The following BRMS1 variants were observed in gnomAD, a reference collection of about 807,000 sequenced individuals.
BRMS1 encodes the protein BRMS1 transcriptional repressor and anoikis regulator, also known as breast cancer metastasis-suppressor 1.
Under a neutral mutation model 40.4 loss-of-function variants are expected in BRMS1, and 26 were observed. The ratio of observed to expected loss-of-function variants is 0.64; its 90% CI spans 0.47 to 0.89. BRMS1 has a LOEUF of 0.89. Among genes scored for constraint, BRMS1 ranks in the 40% least tolerant of loss-of-function variants. BRMS1 has a pLI of 0.00. For missense variants in BRMS1, 289 were observed against 309.4 expected, an observed-to-expected ratio of 0.93 and a Z score of 0.49; for synonymous variants, 103 against 116.0, an observed-to-expected ratio of 0.89 and a Z score of 0.72.
Position 66,341,714 on chromosome 11 carries a change from T to C in BRMS1, c.140-91A>G, listed in dbSNP as rs1855082018. 1 of 1,055,160 alleles carries C rather than the reference T, an allele frequency of 9.5e-7. No homozygotes were observed. The allele number at this position is 1,055,160 out of a possible 1,614,324, so 65.4% of individuals were successfully genotyped here. A position where few individuals can be genotyped will look rare whatever the true frequency, so the allele number is the denominator to read the frequency against. ...TGCGTCCTGCATGTGTGTGTGTGCA[T>C]GCATGCCTGTGTGTAGGGCCTGTGT... On this transcript the variant is annotated intron_variant, in intron 2 of 9. Coordinates refer to ENST00000359957, the MANE Select transcript of BRMS1 (RefSeq NM_015399.4). The surrounding 1 kb of genome is among the most constrained non-coding windows in gnomAD (Gnocchi z 4.9).
rs749150566 is a variant in BRMS1 at position 66,338,777 on chromosome 11, T to C, written c.637A>G (p.Ile213Val). The change falls in exon 8 of 10, where the codon ATC becomes GTC. Residue 213 changes from isoleucine to valine, a missense_variant. Ile to Val is a conservative substitution (Grantham distance 29). Coordinates refer to ENST00000359957, the MANE Select transcript of BRMS1 (RefSeq NM_015399.4). The part of the protein sequence containing the change: ...KKAPLVSGPY[I>V]VYMLQEIDIL... The stretch of plus-strand genomic sequence containing the variant: ...TCGATCTCTTGAAGCATGTACACGA[T>C]GTATGGGCCTGTGGTGGGGGTCAAG... The C allele has an allele frequency of 7.1e-6, 11 of 1,550,854 alleles. No homozygotes were observed. The highest frequency in any genetic ancestry group is 5.7e-5 in the Admixed American group (3 of 52,370).
chr11:66,338,197 G>C, intron 9 of BRMS1, 46 bp downstream of exon 9: 1 of 1,602,224 alleles, frequency 6.2e-7, no homozygotes, highest in Non-Finnish European at 8.5e-7. Context: ...GAGGAAAGGT[G>C]ATGGCAAGGG....
In BRMS1 at chr11:66,337,493, A is replaced by C; in HGVS notation, c.*389T>G. 1.6e-6 allele frequency: 1 copy of C among 610,302 alleles called. No homozygotes were observed. The highest frequency in any genetic ancestry group is 2.9e-6 in the Non-Finnish European group (1 of 347,384). 37.8% of individuals were successfully genotyped at this position (610,302 alleles called of 1,614,324 possible). On this transcript the variant is annotated 3_prime_UTR_variant, in exon 10 of 10. Coordinates refer to ENST00000359957, the MANE Select transcript of BRMS1 (RefSeq NM_015399.4). ...CACGTCTGACTCAGAGTTCCCGCAC[A>C]GTGGAAACTGGCTCCCTGGCCCTGA...
Position 66,340,050 on chromosome 11 carries a change from C to T in BRMS1, c.628+71G>A, listed in dbSNP as rs577993152. 137 of 1,321,046 alleles carry T rather than the reference C, an allele frequency of 1.0e-4. No individual in the cohort carries two copies. In the African/African-American group the frequency reaches 1.8e-3, roughly 17 times the overall value. The allele number at this position is 1,321,046 out of a possible 1,614,324, so 81.8% of individuals were successfully genotyped here. The stretch of plus-strand genomic sequence containing the variant: ...TGACTGTCCTCCATGTCCCCTCCAA[C>T]CCCCTCCCCTGGGTCTGGAGTTGAC... On this transcript the variant is annotated intron_variant, in intron 7 of 9. Transcript: ENST00000359957.
rs1855033454 is a variant in BRMS1 at position 66,340,174 on chromosome 11, C to G, written c.575G>C (p.Arg192Thr). The stretch of plus-strand genomic sequence containing the variant: ...GCTGGGCGGCAGGGAGTCCCAAGAC[C>G]TGGAGCTGCCTCTGGCGTGCAGTTT... Reference protein sequence around the residue: ...DDKLHARGSSRSWDSLPPSKR... With the variant: ...DDKLHARGSSTSWDSLPPSKR... Residue 192 changes from arginine to threonine, a missense_variant, in exon 7 of 10, where the codon AGG becomes ACG. Coordinates refer to ENST00000359957, the MANE Select transcript of BRMS1 (RefSeq NM_015399.4). The G allele has an allele frequency of 6.2e-7, 1 of 1,613,596 alleles. No individual in the cohort carries two copies. The highest frequency in any genetic ancestry group is 1.3e-5 in the African/African-American group (1 of 74,786).
chr11:66,339,270 C>T (rs765628299), intron 7 of BRMS1, among the ~76,000 whole-genome samples: 16 of 152,222 alleles, frequency 1.1e-4, no homozygotes, highest in Non-Finnish European at 1.8e-4. Context: ...CTAAGACTGG[C>T]TGCTGCAGGA....
At position 66,341,636 on chromosome 11, in the gene BRMS1, G is replaced by A. The variant is rs747505179; in HGVS notation, c.140-13C>T. The A allele has an allele frequency of 1.2e-6, 2 of 1,612,086 alleles. No individual in the cohort carries two copies. Among genetic ancestry groups the A allele is most frequent in the Non-Finnish European group, 1.7e-6 (2 of 1,178,384 alleles). ...TCATCATCCATCTCTGGGACAAGAG[G>A]CCAGTAAGGGCTAGCTCTGGGGAGG... On this transcript the variant is annotated splice_polypyrimidine_tract_variant and intron_variant, in intron 2 of 9. Transcript: ENST00000359957. This position sits in a 1 kb window ranked among gnomAD's most constrained non-coding sequence, Gnocchi z 4.9.
intron 1 of BRMS1, among the ~76,000 whole-genome samples, chr11:66,344,398 G>T (rs1432351184): frequency 6.6e-6 from 1 of 152,164 alleles, no homozygotes; most frequent in Non-Finnish European, 1.5e-5. Flanking sequence ...CACCTGACTT[G>T]AAAGGCTCGG....
chr11:66,341,996 G>T lies in BRMS1; in HGVS notation c.139+100C>A. 1.5e-6 allele frequency: 2 copies of T among 1,323,112 alleles called. No individual in the cohort carries two copies. The highest frequency in any genetic ancestry group is 2.1e-6 in the Non-Finnish European group (2 of 961,760). The allele number at this position is 1,323,112 out of a possible 1,614,324, so 82.0% of individuals were successfully genotyped here. On this transcript the variant is annotated intron_variant, in intron 2 of 9. Coordinates refer to ENST00000359957, the MANE Select transcript of BRMS1 (RefSeq NM_015399.4). The surrounding 1 kb of genome is among the most constrained non-coding windows in gnomAD (Gnocchi z 4.9). ...GTGCTTGTGTGTAGGCGCTGTATGT[G>T]CATGTGCGTGCATGCTTGTGTGTAG...
At chr11:66,338,835 A>C (rs780010234) in intron 7 of BRMS1, 50 bp from the exon 8 acceptor site, 4 of 1,493,430 alleles carry the variant, frequency 2.7e-6, no homozygotes, top group Non-Finnish European at 3.6e-6. Context: ...TGACGAGGGC[A>C]GGGCCACCCA....
At chr11:66,338,659 G>A in intron 8 of BRMS1, 62 bp downstream of exon 8, 1 of 1,612,806 alleles carries the variant, frequency 6.2e-7, no homozygotes, top group African/African-American at 1.3e-5. Context: ...AGATGGCAGA[G>A]CTGCTGCCAG....
At position 66,341,477 on chromosome 11, in the gene BRMS1, A is replaced by G; in HGVS notation, c.230+56T>C. 1.2e-6 allele frequency: 2 copies of G among 1,605,250 alleles called. No individual in the cohort carries two copies. Among genetic ancestry groups the G allele is most frequent in the African/African-American group, 1.3e-5 (1 of 74,874 alleles). ...ACCACGCCTGCCCAGTACCAGGCCCACCACCTCCTCATCCCAGATCCTCGC... is the reference window on the plus strand; with the variant it reads ...ACCACGCCTGCCCAGTACCAGGCCCGCCACCTCCTCATCCCAGATCCTCGC... On this transcript the variant is annotated intron_variant, in intron 3 of 9. Transcript: ENST00000359957. This position sits in a 1 kb window ranked among gnomAD's most constrained non-coding sequence, Gnocchi z 4.9.
chr11:66,337,506 T>G lies in BRMS1; in HGVS notation c.*376A>C. 1 of 632,690 alleles carries G rather than the reference T, an allele frequency of 1.6e-6. No individual in the cohort carries two copies. The highest frequency in any genetic ancestry group is 2.7e-6 in the Non-Finnish European group (1 of 366,844). 39.2% of individuals were successfully genotyped at this position (632,690 alleles called of 1,614,324 possible). A position where few individuals can be genotyped will look rare whatever the true frequency, so the allele number is the denominator to read the frequency against. ...GAGTTCCCGCACAGTGGAAACTGGC[T>G]CCCTGGCCCTGAGGCCGGACAGCCT... On this transcript the variant is annotated 3_prime_UTR_variant, in exon 10 of 10. Transcript: ENST00000359957.
chr11:66,340,015 G>A lies in BRMS1; in HGVS notation c.628+106C>T, dbSNP rs1232359817. 5 of 833,902 alleles carry A rather than the reference G, an allele frequency of 6.0e-6. No homozygotes were observed. The African/African-American group carries it at 8.5e-5, about 14-fold the overall frequency. The allele number at this position is 833,902 out of a possible 1,614,324, so 51.7% of individuals were successfully genotyped here. On this transcript the variant is annotated intron_variant, in intron 7 of 9. Transcript: ENST00000359957. The stretch of plus-strand genomic sequence containing the variant: ...CACATGACACCAAGCAACCACGAGT[G>A]CATCTAGTGTGACTGTCCTCCATGT...
At chr11:66,337,977 C>T (rs1590925434) in intron 9 of BRMS1, 88 bp from the exon 10 acceptor site, 4 of 1,455,926 alleles carry the variant, frequency 2.7e-6, no homozygotes, top group Admixed American at 1.9e-5. Flanking sequence ...TTTGGGCTGG[C>T]CCAGAACAGG....
rs562054972 is a variant in BRMS1, at chr11:66,338,701, T to C, written c.693+20A>G. The C allele has an allele frequency of 6.2e-7, 1 of 1,611,932 alleles. No homozygotes were observed. Among genetic ancestry groups the C allele is most frequent in the African/African-American group, 1.3e-5 (1 of 74,820 alleles). ...GGGCCCTGAGGTGGGGCAGGTCACGTGGGCAGCAGCGGCCCCCACCTTTTT... is the reference window on the plus strand; with the variant it reads ...GGGCCCTGAGGTGGGGCAGGTCACGCGGGCAGCAGCGGCCCCCACCTTTTT... On this transcript the variant is annotated intron_variant, in intron 8 of 9. Coordinates refer to ENST00000359957, the MANE Select transcript of BRMS1 (RefSeq NM_015399.4).
At position 66,337,899 on chromosome 11, in the gene BRMS1, T is replaced by C; in HGVS notation, c.734-10A>G. ...CAGCAGGGTCAAGGTCCTGTGCATA[T>C]GTGGGAAGAAGAAAACTGTCACCAG... On this transcript the variant is annotated splice_polypyrimidine_tract_variant and intron_variant, in intron 9 of 9. Coordinates refer to ENST00000359957, the MANE Select transcript of BRMS1 (RefSeq NM_015399.4). The C allele has an allele frequency of 6.2e-7, 1 of 1,604,644 alleles. No homozygotes were observed. The highest frequency in any genetic ancestry group is 8.5e-7 in the Non-Finnish European group (1 of 1,173,724).
At chr11:66,344,649 T>C (rs2134971040) in intron 1 of BRMS1, 1 of 152,302 alleles carries the variant, frequency 6.6e-6, no homozygotes. Context: ...TCACAGGTGG[T>C]AAGGGATGGA....
At position 66,340,837 on chromosome 11, in the gene BRMS1, C is replaced by G. The variant is rs755492023; in HGVS notation, c.472G>C (p.Gly158Arg). The change falls in exon 6 of 10, where the codon GGG (glycine) becomes CGG (arginine). Residue 158 changes from glycine (G) to arginine (R), a missense_variant. Gly to Arg is a moderately radical substitution (Grantham distance 125). Transcript: ENST00000359957. ...CTCTGGATCCGCTCCTGCAGCTCCC[C>G]CTGCAGCGTGTCATAGAGCAGCAGC... Reference protein sequence around the residue: ...EKLLLYDTLQGELQERIQRLE... With the variant: ...EKLLLYDTLQRELQERIQRLE... 3.1e-6 allele frequency: 5 copies of G among 1,613,932 alleles called. No homozygotes were observed. In the African/African-American group the frequency reaches 5.3e-5, roughly 17 times the overall value.
Sources: gnomAD v4.1 joint callset for allele counts (sites outside exome capture counted in the v4.1 genomes callset) on GRCh38, gnomAD v4.1.1 for gene constraint, Gnocchi (gnomAD v3.1) non-coding constraint, MANE v1.5 for transcripts, NCBI Gene and HGNC (gene_info 2026-07-23, HGNC 2026-07-21) for gene names.